Variants in KCNMA1 observed in about 807,000 individuals in gnomAD.
KCNMA1 encodes Calcium-activated potassium channel subunit alpha-1.
Under a neutral mutation model 140.0 loss-of-function variants are expected in KCNMA1, and 29 were observed. The observed-to-expected ratio is 0.21, with a 90% CI of 0.15 to 0.28. The LOEUF (loss-of-function observed/expected upper bound fraction) is 0.28. Ranked by LOEUF, KCNMA1 falls within the 10% of genes least tolerant of loss-of-function variation. The pLI, the probability that KCNMA1 is intolerant of heterozygous loss-of-function variation, is 1.00. For synonymous variants in KCNMA1, 612 were observed against 611.9 expected, an observed-to-expected ratio of 1.00 and a Z score of 0.00; for missense variants, 880 against 1,602.2, an observed-to-expected ratio of 0.55 and a Z score of 7.70.
intron 1 of KCNMA1, among the ~76,000 whole-genome samples, chr10:77,482,991 T>TAC (rs56364046): frequency 0.039 from 4,957 of 126,628 alleles, 120 homozygotes; most frequent in African/African-American, 0.064. Flanking sequence ...CTCTCTCACA[T>TAC]ACACACACAC....
At chr10:77,293,984 G>A (rs1225878965) in intron 2 of KCNMA1, among the ~76,000 whole-genome samples, 2 of 152,190 alleles carry the variant, frequency 1.3e-5, no homozygotes, top group Non-Finnish European at 2.9e-5. Flanking sequence ...GGCCCCAGCC[G>A]GTGTGGCTGC....
chr10:76,915,436 C>A (rs542768059), intron 23 of KCNMA1, among the ~76,000 whole-genome samples: 1 of 152,106 alleles, frequency 6.6e-6, no homozygotes, highest in Admixed American at 6.6e-5. Flanking sequence ...GTGCATATCA[C>A]TGCTGGTTCA....
At chr10:77,264,278 T>G (rs1328254083) in intron 2 of KCNMA1, among the ~76,000 whole-genome samples, 1 of 152,102 alleles carries the variant, frequency 6.6e-6, no homozygotes, top group Non-Finnish European at 1.5e-5. Flanking sequence ...GACCTAGAGC[T>G]CTGGCTCACT....
chr10:77,454,345 T>C (rs982231985), intron 1 of KCNMA1, among the ~76,000 whole-genome samples: 1 of 152,160 alleles, frequency 6.6e-6, no homozygotes, highest in Non-Finnish European at 1.5e-5. Flanking sequence ...TCTTTTTCAT[T>C]CTAAAGACAG....
chr10:76,901,266 C>T (rs1378311307), intron 25 of KCNMA1: 3 of 152,084 alleles, frequency 2.0e-5, no homozygotes, highest in Admixed American at 2.0e-4. Flanking sequence ...GAAACATAGG[C>T]CATTTATATT....
At chr10:76,999,267 C>T (rs760539575) in intron 19 of KCNMA1, among the ~76,000 whole-genome samples, 11 of 152,240 alleles carry the variant, frequency 7.2e-5, no homozygotes, top group Non-Finnish European at 1.5e-4. Flanking sequence ...ATGGGGTCTA[C>T]ATGGGGGACA....
At chr10:77,269,427 TA>T (rs1460932321) in intron 2 of KCNMA1, among the ~76,000 whole-genome samples, 1 of 152,182 alleles carries the variant, frequency 6.6e-6, no homozygotes, top group Non-Finnish European at 1.5e-5. Context: ...CCATCTGCTG[TA>T]ATTCTGAAGC....
chr10:77,324,957 CTCTCTCTCTCTCTCTGTGTG>C (rs1166414267), intron 2 of KCNMA1, among the ~76,000 whole-genome samples: 1 of 111,780 alleles, frequency 8.9e-6, no homozygotes, highest in African/African-American at 3.5e-5. Context: ...CTCTCTCTCT[CTCTCTCTCTCTCTCTGTGTG>C]TGTGTGTGTG....
chr10:77,519,178 C>G (rs535067260), intron 1 of KCNMA1, among the ~76,000 whole-genome samples: 1 of 152,262 alleles, frequency 6.6e-6, no homozygotes, highest in Non-Finnish European at 1.5e-5. Context: ...TGGGCCAGCA[C>G]GCTGACATTT....
chr10:76,999,083 CA>C (rs1219039224), intron 19 of KCNMA1, among the ~76,000 whole-genome samples: 2 of 152,202 alleles, frequency 1.3e-5, no homozygotes, highest in African/African-American at 2.4e-5. Flanking sequence ...ATTTTGGAGG[CA>C]AGGGAGGGAC....
chr10:77,234,532 T>C (rs891945454), intron 3 of KCNMA1, among the ~76,000 whole-genome samples: 1 of 152,228 alleles, frequency 6.6e-6, no homozygotes, highest in African/African-American at 2.4e-5. Context: ...AAGAGCTAAA[T>C]CATTGGCTTA....
intron 1 of KCNMA1, among the ~76,000 whole-genome samples, chr10:77,417,355 C>T (rs2096765496): frequency 6.6e-6 from 1 of 152,136 alleles, no homozygotes; most frequent in Non-Finnish European, 1.5e-5. Context: ...CAGCAATGTG[C>T]TTAACAGACA....
At chr10:77,389,551 C>G (rs2095737637) in intron 2 of KCNMA1, among the ~76,000 whole-genome samples, 1 of 152,098 alleles carries the variant, frequency 6.6e-6, no homozygotes, top group Non-Finnish European at 1.5e-5. Context: ...GGAGGCTCTT[C>G]CAGTCAAATT....
chr10:77,520,157 G>GCAGTGTGCGGGTGT (rs1567297741), intron 1 of KCNMA1, among the ~76,000 whole-genome samples: 1 of 2,102 alleles, frequency 4.8e-4, no homozygotes, highest in African/African-American at 2.0e-3. Flanking sequence ...TGTGAGGTCT[G>GCAGTGTGCGGGTGT]GCATATGCAG....
chr10:76,955,092 C>T (rs1208076526), intron 20 of KCNMA1, among the ~76,000 whole-genome samples: 2 of 152,068 alleles, frequency 1.3e-5, no homozygotes, highest in African/African-American at 4.8e-5. Flanking sequence ...ATATTGTCAA[C>T]ACAAGACAGA....
chr10:77,242,395 G>A (rs2057491589), intron 3 of KCNMA1, among the ~76,000 whole-genome samples: 2 of 152,108 alleles, frequency 1.3e-5, no homozygotes, highest in African/African-American at 4.8e-5. Context: ...AGGCCATAAT[G>A]AGAGTCTTCT....
At chr10:77,217,629 G>A (rs2048233581) in intron 3 of KCNMA1, 12 of 422,680 alleles carry the variant, frequency 2.8e-5, no homozygotes, top group Admixed American at 7.5e-5. Flanking sequence ...AGAAACAAAA[G>A]GAGAAAAAAA....
chr10:77,230,407 T>A (rs2053189940), intron 3 of KCNMA1, among the ~76,000 whole-genome samples: 1 of 152,222 alleles, frequency 6.6e-6, no homozygotes, highest in African/African-American at 2.4e-5. Context: ...CACCACTGTA[T>A]CGTACACATT....
rs115887449 is a variant in KCNMA1 at position 77,553,480 on chromosome 10, A to G, written c.378+83785T>C. On this transcript the variant is annotated intron_variant, in intron 1 of 27. Coordinates refer to ENST00000286628, the MANE Select transcript of KCNMA1 (RefSeq NM_001161352.2). ...TGGGTCAGCAGTGAGCACCAGCCCAAGAAGTGCCCTCGCCTCCCTCCTGCT... is the reference window on the plus strand; with the variant it reads ...TGGGTCAGCAGTGAGCACCAGCCCAGGAAGTGCCCTCGCCTCCCTCCTGCT... Among the ~76,000 whole-genome samples, 471 of 152,310 alleles carry G rather than the reference A, an allele frequency of 3.1e-3. 3 individuals carry two copies. Among genetic ancestry groups the G allele is most frequent in the African/African-American group, 0.011 (453 of 41,582 alleles).
Sources: gnomAD v4.1 joint callset for allele counts (sites outside exome capture counted in the v4.1 genomes callset) on GRCh38, gnomAD v4.1.1 for gene constraint, MANE v1.5 for transcripts, NCBI Gene and HGNC (gene_info 2026-07-23, HGNC 2026-07-21) for gene names.